MGAT4C: variants seen among roughly 807,000 people sequenced by gnomAD.
The protein encoded by MGAT4C is MGAT4 family member C.
A neutral mutation model predicts 40.1 loss-of-function variants in MGAT4C; 19 were observed. That is an observed-to-expected ratio of 0.47 (90% CI 0.33 to 0.70). MGAT4C has a LOEUF of 0.70. Among genes scored for constraint, MGAT4C ranks in the 30% least tolerant of loss-of-function variants. MGAT4C has a pLI of 0.02. For missense variants in MGAT4C, 491 were observed against 563.2 expected, an observed-to-expected ratio of 0.87 and a Z score of 1.30; for synonymous variants, 181 against 187.1, an observed-to-expected ratio of 0.97 and a Z score of 0.27.
At chr12:86,110,477 C>A in intron 1 of MGAT4C, among the ~76,000 whole-genome samples, 1 of 148,774 alleles carries the variant, frequency 6.7e-6, no homozygotes, top group African/African-American at 2.5e-5. Context: ...ATCAACTCTT[C>A]AATTACATTT....
intron 1 of MGAT4C, among the ~76,000 whole-genome samples, chr12:86,777,961 A>T (rs1951772618): frequency 6.6e-6 from 1 of 152,314 alleles, no homozygotes; most frequent in South Asian, 2.1e-4. Context: ...AATATATTTT[A>T]AAATCATTGA....
At chr12:86,396,971 A>G (rs1042943156) in intron 3 of MGAT4C, among the ~76,000 whole-genome samples, 1 of 152,164 alleles carries the variant, frequency 6.6e-6, no homozygotes. Flanking sequence ...TTTTCAATCT[A>G]CGATTTGAAG....
At chr12:86,641,311 T>G (rs1442824482) in intron 2 of MGAT4C, among the ~76,000 whole-genome samples, 1 of 151,640 alleles carries the variant, frequency 6.6e-6, no homozygotes, top group East Asian at 2.0e-4. Flanking sequence ...TAGGTGGGAA[T>G]TGAACAATGA....
chr12:86,559,665 G>T (rs1592985887), intron 2 of MGAT4C, among the ~76,000 whole-genome samples: 1 of 151,754 alleles, frequency 6.6e-6, no homozygotes, highest in South Asian at 2.1e-4. Flanking sequence ...TGCTCAAAGG[G>T]ACTTTTATAA....
At chr12:86,494,774 A>G (rs1958208602) in intron 2 of MGAT4C, among the ~76,000 whole-genome samples, 1 of 152,014 alleles carries the variant, frequency 6.6e-6, no homozygotes, top group South Asian at 2.1e-4. Context: ...ATAGAGAAAT[A>G]GAGGAAATAA....
Position 86,254,783 on chromosome 12 carries a change from C to T in MGAT4C, c.-57+1456G>A, listed in dbSNP as rs147645736. On this transcript the variant is annotated intron_variant, in intron 1 of 4. Transcript: ENST00000611864. The stretch of plus-strand genomic sequence containing the variant: ...AAGCTTTTTGAGGTTTTGTTGATTA[C>T]GTATTGTTGTGGCTGAGACATTAAG... Among the ~76,000 whole-genome samples the T allele has an allele frequency of 2.1e-3, 324 of 152,094 alleles. 1 individual carries two copies. Among genetic ancestry groups the T allele is most frequent in the African/African-American group, 7.3e-3 (305 of 41,538 alleles).
At chr12:86,055,767 G>C (rs1239371443) in intron 1 of MGAT4C, among the ~76,000 whole-genome samples, 1 of 151,838 alleles carries the variant, frequency 6.6e-6, no homozygotes, top group African/African-American at 2.4e-5. Flanking sequence ...TCCTAAAATG[G>C]GTGAGGGTAA....
At chr12:86,451,255 CT>C (rs1445200567) in intron 2 of MGAT4C, among the ~76,000 whole-genome samples, 1 of 152,096 alleles carries the variant, frequency 6.6e-6, no homozygotes. Context: ...CTCACTCCTG[CT>C]TTTGCCATGT....
chr12:86,478,251 T>C (rs535993633), intron 2 of MGAT4C, among the ~76,000 whole-genome samples: 4 of 152,292 alleles, frequency 2.6e-5, no homozygotes, highest in Non-Finnish European at 5.9e-5. Context: ...AAAGTAGTTG[T>C]GATGTTCATG....
At chr12:86,201,727 G>A (rs1240892360) in intron 1 of MGAT4C, among the ~76,000 whole-genome samples, 1 of 151,628 alleles carries the variant, frequency 6.6e-6, no homozygotes, top group Admixed American at 6.6e-5. Flanking sequence ...GGGTTTCTTT[G>A]AATCTATAGA....
At chr12:86,371,872 G>A (rs1955720552) in intron 3 of MGAT4C, among the ~76,000 whole-genome samples, 1 of 152,030 alleles carries the variant, frequency 6.6e-6, no homozygotes, top group South Asian at 2.1e-4. Context: ...AGACCTGGAA[G>A]TTAGGTAATA....
At chr12:86,079,697 A>G (rs1034163574) in intron 1 of MGAT4C, among the ~76,000 whole-genome samples, 2 of 152,000 alleles carry the variant, frequency 1.3e-5, no homozygotes, top group African/African-American at 4.8e-5. Flanking sequence ...TGATTTATGT[A>G]TATAAGTTTA....
At chr12:86,324,667 T>C (rs1954481117) in intron 4 of MGAT4C, among the ~76,000 whole-genome samples, 1 of 152,060 alleles carries the variant, frequency 6.6e-6, no homozygotes, top group Admixed American at 6.6e-5. Flanking sequence ...ATATATACGC[T>C]TTGACAACTA....
chr12:86,119,723 T>C (rs1879060746), intron 1 of MGAT4C, among the ~76,000 whole-genome samples: 2 of 93,450 alleles, frequency 2.1e-5, no homozygotes, highest in African/African-American at 7.4e-5. Flanking sequence ...CCCACCATTC[T>C]TTTTTTTTTT....
intron 3 of MGAT4C, among the ~76,000 whole-genome samples, chr12:86,345,286 T>A (rs919132361): frequency 6.6e-6 from 1 of 151,896 alleles, no homozygotes; most frequent in Admixed American, 6.6e-5. Flanking sequence ...ATTTTTATTA[T>A]TATTATACTT....
chr12:86,645,076 T>C (rs1397861400), intron 2 of MGAT4C, among the ~76,000 whole-genome samples: 2 of 151,532 alleles, frequency 1.3e-5, no homozygotes, highest in Non-Finnish European at 3.0e-5. Flanking sequence ...AATACTTCTG[T>C]ACAAAATCAT....
chr12:86,783,842 G>A (rs1243192477), intron 1 of MGAT4C, among the ~76,000 whole-genome samples: 1 of 152,100 alleles, frequency 6.6e-6, no homozygotes, highest in East Asian at 1.9e-4. Flanking sequence ...GAATAAATTA[G>A]TAGTACTGGC....
chr12:86,361,516 C>T (rs1955469284), intron 3 of MGAT4C, among the ~76,000 whole-genome samples: 2 of 152,154 alleles, frequency 1.3e-5, no homozygotes, highest in South Asian at 2.1e-4. Flanking sequence ...AGCTTCTGCA[C>T]AGCAAAAGAA....
intron 2 of MGAT4C, among the ~76,000 whole-genome samples, chr12:86,047,703 G>A (rs762241139): frequency 6.6e-6 from 1 of 151,986 alleles, no homozygotes; most frequent in Non-Finnish European, 1.5e-5. Context: ...AGTGCTGCCT[G>A]GAGAAAATAA....
Sources: allele counts gnomAD v4.1 joint callset (sites outside exome capture counted in the v4.1 genomes callset), GRCh38; gene constraint gnomAD v4.1.1; transcripts MANE v1.5; gene names NCBI Gene and HGNC (gene_info 2026-07-23, HGNC 2026-07-21).